TMEM240: variants seen among roughly 807,000 people sequenced by gnomAD.
TMEM240 encodes transmembrane protein 240.
In TMEM240, 3 loss-of-function variants were observed where a neutral mutation model predicts 19.5. That is an observed-to-expected ratio of 0.15 (90% confidence interval 0.07 to 0.40). The LOEUF (loss-of-function observed/expected upper bound fraction) is 0.40. Among genes scored for constraint, TMEM240 ranks in the 10% least tolerant of loss-of-function variants. TMEM240 has a pLI of 1.00. For missense variants in TMEM240, 210 were observed against 253.5 expected (o/e 0.83, Z 1.17); for synonymous variants, 123 against 109.3 (o/e 1.13, Z -0.78).
rs1258393044 is a variant in TMEM240, at chr1:1,535,365, G to T, written c.516C>A (p.His172Gln). 6.5e-7 allele frequency: 1 copy of T among 1,549,338 alleles called. No individual in the cohort carries two copies. Among genetic ancestry groups the T allele is most frequent in the Non-Finnish European group, 8.7e-7 (1 of 1,146,268 alleles). The change falls in exon 4 of 4, where the codon CAC becomes CAA. Residue 172 changes from histidine (H) to glutamine (Q), a missense_variant. By Grantham distance (24) the His-to-Gln change is conservative. Transcript: ENST00000378733. This position sits in a 1 kb window ranked among gnomAD's most constrained non-coding sequence, Gnocchi z 8.2. ...LYHNGHPSPR[H>Q]L ...CGGTAAGTCCCCGTGCGGCTCACAGGTGCCGCGGGCTGGGGTGGCCATTGT... is the reference window on the plus strand; with the variant it reads ...CGGTAAGTCCCCGTGCGGCTCACAGTTGCCGCGGGCTGGGGTGGCCATTGT...
chr1:1,539,177 T>C (rs547117702), intron 2 of TMEM240: 21 of 162,328 alleles, frequency 1.3e-4, no homozygotes, highest in Non-Finnish European at 1.9e-4. Context: ...GGCGCTCCCC[T>C]CAATCTGAAT....
intron 1 of TMEM240, 66 bp downstream of exon 1, chr1:1,540,224 G>A: frequency 3.5e-6 from 4 of 1,131,126 alleles, no homozygotes; most frequent in Non-Finnish European, 3.4e-6. Flanking sequence ...CAAGGCGCGG[G>A]AGGTGGGCCA....
rs376624221 is a variant in TMEM240 at position 1,535,782 on chromosome 1, G to A, written c.180C>T (p.Tyr60=). The part of the protein sequence containing the change: ...HCNCGRHHIH[Y]VIPYDGDQSV... ...ACTGGTCCCCGTCGTACGGGATCAC[G>A]TAGTGGATATGGTGCCTGGGGGCGG... Residue 60 remains tyrosine (Y), a synonymous_variant, in exon 3 of 4, where the codon TAC becomes TAT. Transcript: ENST00000378733. This position sits in a 1 kb window ranked among gnomAD's most constrained non-coding sequence, Gnocchi z 8.2. 160 of 1,549,958 alleles carry A rather than the reference G, an allele frequency of 1.0e-4. No individual in the cohort carries two copies. The East Asian group carries it at 1.1e-3, about 10-fold the overall frequency.
intron 2 of TMEM240, chr1:1,539,372 A>G: frequency 2.6e-6 from 1 of 387,910 alleles, no homozygotes; most frequent in South Asian, 2.5e-5. Flanking sequence ...CCCAGCCCTG[A>G]TGAGGCTGGC....
Position 1,535,601 on chromosome 1 carries a change from C to CA in TMEM240, c.360_361insT (p.Gly121TrpfsTer112). On this transcript the variant is annotated frameshift_variant, in exon 3 of 4. Transcript: ENST00000378733. LOFTEE classifies it high-confidence loss of function. This position sits in a 1 kb window ranked among gnomAD's most constrained non-coding sequence, Gnocchi z 8.2. ...ACGAGGCACTCACCGTAGCGCCGTC[C>CA]GGCTCTCCAGGCGCGCACGGCGCAG... The CA allele has an allele frequency of 1.9e-6, 3 of 1,549,406 alleles. No homozygotes were observed. Among genetic ancestry groups the CA allele is most frequent in the Non-Finnish European group, 2.6e-6 (3 of 1,146,376 alleles).
In TMEM240 at chr1:1,539,560, T is replaced by C. The variant is rs1356541353; in HGVS notation, c.164+124A>G. On this transcript the variant is annotated intron_variant, in intron 2 of 3. Transcript: ENST00000378733. Reference sequence around the variant, plus strand: ...GAGACAGCTCCTCCCCCTGCGCACCTGGCAGCCCTCAAGGGTGGAAGGCGG... The same window carrying C: ...GAGACAGCTCCTCCCCCTGCGCACCCGGCAGCCCTCAAGGGTGGAAGGCGG... 2.0e-5 allele frequency: 16 copies of C among 809,962 alleles called. No homozygotes were observed. The East Asian group carries it at 3.6e-4, about 18-fold the overall frequency. The allele number at this position is 809,962 out of a possible 1,614,324, so 50.2% of individuals were successfully genotyped here. A position where few individuals can be genotyped will look rare whatever the true frequency, so the allele number is the denominator to read the frequency against.
chr1:1,538,421 C>T (rs1166842888), intron 2 of TMEM240, among the ~76,000 whole-genome samples: 4 of 152,362 alleles, frequency 2.6e-5, no homozygotes, highest in East Asian at 1.9e-4. Context: ...CCTCTGCCTG[C>T]CCCGCGGAGC....
Position 1,535,733 on chromosome 1 carries a change from A to G in TMEM240, c.229T>C (p.Tyr77His), listed in dbSNP as rs1642207464. ...DQSVVDASEN[Y>H]FVTDSVTKQE... ...TTGGTCACACTGTCCGTCACAAAGT[A>G]GTTCTCGGAGGCGTCCACCACCGAC... The change falls in exon 3 of 4, where the codon TAC (tyrosine) becomes CAC (histidine). Residue 77 changes from tyrosine to histidine, a missense_variant. This residue lies in a region of TMEM240 where 157 missense variants were observed against 168.2 expected (regional missense o/e 0.93). Transcript: ENST00000378733. This position sits in a 1 kb window ranked among gnomAD's most constrained non-coding sequence, Gnocchi z 8.2. 6.5e-7 allele frequency: 1 copy of G among 1,550,226 alleles called. No individual in the cohort carries two copies. Among genetic ancestry groups the G allele is most frequent in the Non-Finnish European group, 8.7e-7 (1 of 1,146,684 alleles).
chr1:1,540,526 G>A lies in TMEM240; in HGVS notation c.-180C>T, dbSNP rs1350503627. The A allele has an allele frequency of 9.2e-5, 16 of 174,524 alleles. No individual in the cohort carries two copies. The Admixed American group carries it at 9.9e-4, about 11-fold the overall frequency. The allele number at this position is 174,524 out of a possible 1,614,324, so 10.8% of individuals were successfully genotyped here. On this transcript the variant is annotated 5_prime_UTR_variant, in exon 1 of 4. Transcript: ENST00000378733. ...GGAGGCGCGGGGGGGGGGGCGCCGGGGAGGGACGCGGGGCCTTTCTGGGGT... is the reference window on the plus strand; with the variant it reads ...GGAGGCGCGGGGGGGGGGGCGCCGGAGAGGGACGCGGGGCCTTTCTGGGGT...
In TMEM240 at chr1:1,535,532, G is replaced by T. The variant is rs568810688; in HGVS notation, c.374-25C>A. The T allele has an allele frequency of 2.3e-5, 36 of 1,537,092 alleles. No individual in the cohort carries two copies. The highest frequency in any genetic ancestry group is 2.9e-5 in the Non-Finnish European group (33 of 1,140,526). On this transcript the variant is annotated intron_variant, in intron 3 of 3. Coordinates refer to ENST00000378733, the MANE Select transcript of TMEM240 (RefSeq NM_001114748.2). The surrounding 1 kb of genome is among the most constrained non-coding windows in gnomAD (Gnocchi z 8.2). ...TCTGCGGGGGGACAGGGGCGGTCAG[G>T]CGGCTGGGGCCGGCCAGGGCGGCAG...
Position 1,535,924 on chromosome 1 carries a change from T to TTG in TMEM240, c.165-129_165-128dup. Reference sequence around the variant, plus strand: ...CCTGGGGGTTCTCTGAAGCAGCCTCTTGGGCGGGCGGGTCGGGAAGGGGGC... The same window carrying TTG: ...CCTGGGGGTTCTCTGAAGCAGCCTCTTGTGGGCGGGCGGGTCGGGAAGGGGGC... On this transcript the variant is annotated intron_variant, in intron 2 of 3. Coordinates refer to ENST00000378733, the MANE Select transcript of TMEM240 (RefSeq NM_001114748.2). This position sits in a 1 kb window ranked among gnomAD's most constrained non-coding sequence, Gnocchi z 8.2. 1 of 532,380 alleles carries TTG rather than the reference T, an allele frequency of 1.9e-6. No individual in the cohort carries two copies. Among genetic ancestry groups the TTG allele is most frequent in the Middle Eastern group, 5.5e-4 (1 of 1,808 alleles). The allele number at this position is 532,380 out of a possible 1,614,324, so 33.0% of individuals were successfully genotyped here.
At chr1:1,539,504 C>A (rs1359962213) in intron 2 of TMEM240, 180 bp downstream of exon 2, 1 of 607,794 alleles carries the variant, frequency 1.6e-6, no homozygotes, top group Non-Finnish European at 2.9e-6. Context: ...GTCCTAAAGC[C>A]ATGCGCCCCC....
rs893139670 is a variant in TMEM240, at chr1:1,536,965, G to A, written c.165-1168C>T. On this transcript the variant is annotated intron_variant, in intron 2 of 3. Transcript: ENST00000378733. This position sits in a 1 kb window ranked among gnomAD's most constrained non-coding sequence, Gnocchi z 5.4. Reference sequence around the variant, plus strand: ...GCGCCTCAGCCTGGTTTTCAGCCGAGACCCAGAGACCACCCCACCCTCCAC... The same window carrying A: ...GCGCCTCAGCCTGGTTTTCAGCCGAAACCCAGAGACCACCCCACCCTCCAC... 8.6e-5 allele frequency among the ~76,000 whole-genome samples: 13 copies of A among 151,988 alleles called. No individual in the cohort carries two copies. The highest frequency in any genetic ancestry group is 7.4e-5 in the Non-Finnish European group (5 of 67,984).
Position 1,535,209 on chromosome 1 carries a change from T to A in TMEM240, c.*150A>T. ...CTTTATAAAAAGAAGAGACAGCACC[T>A]TCCACTGGACTCTCCCGGCCGGCCA... On this transcript the variant is annotated 3_prime_UTR_variant, in exon 4 of 4. Coordinates refer to ENST00000378733, the MANE Select transcript of TMEM240 (RefSeq NM_001114748.2). The surrounding 1 kb of genome is among the most constrained non-coding windows in gnomAD (Gnocchi z 8.2). The A allele has an allele frequency of 7.7e-6, 4 of 520,954 alleles. No individual in the cohort carries two copies. Among genetic ancestry groups the A allele is most frequent in the Non-Finnish European group, 1.2e-5 (4 of 344,672 alleles). The allele number at this position is 520,954 out of a possible 1,614,324, so 32.3% of individuals were successfully genotyped here.
intron 2 of TMEM240, among the ~76,000 whole-genome samples, chr1:1,538,334 T>A (rs143178737): frequency 6.6e-6 from 1 of 152,236 alleles, no homozygotes. Flanking sequence ...GCCTTCAGCG[T>A]GCACCCACCC....
chr1:1,535,251 G>C lies in TMEM240; in HGVS notation c.*108C>G, dbSNP rs1437345515. ...GGCCGGCCACAGCCCCGGACAACCT[G>C]GGCCCAGGGCTGCTGTCCAGTCCCG... is the stretch of plus-strand genomic sequence containing the variant. On this transcript the variant is annotated 3_prime_UTR_variant, in exon 4 of 4. Coordinates refer to ENST00000378733, the MANE Select transcript of TMEM240 (RefSeq NM_001114748.2). This position sits in a 1 kb window ranked among gnomAD's most constrained non-coding sequence, Gnocchi z 8.2. The C allele has an allele frequency of 1.1e-5, 14 of 1,318,010 alleles. No individual in the cohort carries two copies. Among genetic ancestry groups the C allele is most frequent in the Non-Finnish European group, 1.4e-5 (14 of 977,194 alleles). 81.6% of individuals were successfully genotyped at this position (1,318,010 alleles called of 1,614,324 possible). A position where few individuals can be genotyped will look rare whatever the true frequency, so the allele number is the denominator to read the frequency against.
Position 1,536,203 on chromosome 1 carries a change from G to T in TMEM240, c.165-406C>A. ...GGTCACAGCTCACCCGCCCGCCCCG[G>T]GGCCGCGGAGGCCACTTGGAGCAGA... On this transcript the variant is annotated intron_variant, in intron 2 of 3. Transcript: ENST00000378733. The surrounding 1 kb of genome is among the most constrained non-coding windows in gnomAD (Gnocchi z 5.4). 6.6e-6 allele frequency among the ~76,000 whole-genome samples: 1 copy of T among 152,062 alleles called. No homozygotes were observed. The highest frequency in any genetic ancestry group is 1.5e-5 in the Non-Finnish European group (1 of 67,958).
chr1:1,537,413 G>T (rs1345299298), intron 2 of TMEM240, among the ~76,000 whole-genome samples: 3 of 152,108 alleles, frequency 2.0e-5, no homozygotes, highest in Non-Finnish European at 4.4e-5. Flanking sequence ...CCTCAGGGGA[G>T]GAAGCTGTTC....
chr1:1,535,134 T>A lies in TMEM240; in HGVS notation c.*225A>T. The A allele has an allele frequency of 1.5e-5, 3 of 199,442 alleles. No individual in the cohort carries two copies. Among genetic ancestry groups the A allele is most frequent in the East Asian group, 1.5e-4 (1 of 6,630 alleles). 12.4% of individuals were successfully genotyped at this position (199,442 alleles called of 1,614,324 possible). A position where few individuals can be genotyped will look rare whatever the true frequency, so the allele number is the denominator to read the frequency against. On this transcript the variant is annotated 3_prime_UTR_variant, in exon 4 of 4. Transcript: ENST00000378733. This position sits in a 1 kb window ranked among gnomAD's most constrained non-coding sequence, Gnocchi z 8.2. ...CCGCCCTTGTGTCCTGCCCCCCAAC[T>A]GCAGGGTCTCCCCTAACCCAACCCC...
Sources: gnomAD v4.1 joint callset for allele counts (sites outside exome capture counted in the v4.1 genomes callset) on GRCh38, gnomAD v4.1.1 for gene constraint, gnomAD v4.1.1 regional missense constraint, Gnocchi (gnomAD v3.1) non-coding constraint, MANE v1.5 for transcripts, NCBI Gene and HGNC (gene_info 2026-07-23, HGNC 2026-07-21) for gene names.